The following GPATCH8 variants were observed in gnomAD, a reference collection of about 807,000 sequenced individuals.
The protein encoded by GPATCH8 is G patch domain-containing protein 8.
A neutral mutation model predicts 118.3 loss-of-function variants in GPATCH8; 18 were observed. The ratio of observed to expected loss-of-function variants is 0.15; its 90% CI spans 0.11 to 0.23. GPATCH8 has a LOEUF of 0.23. GPATCH8 is among the 10% of genes least tolerant of loss of function. The pLI, the probability that GPATCH8 is intolerant of heterozygous loss-of-function variation, is 1.00. For missense variants in GPATCH8, 1,631 were observed against 1,873.8 expected (o/e 0.87, Z 2.39); for synonymous variants, 659 against 684.7 (o/e 0.96, Z 0.59).
At chr17:44,456,565 T>C (rs1371803372) in intron 3 of GPATCH8, among the ~76,000 whole-genome samples, 1 of 152,134 alleles carries the variant, frequency 6.6e-6, no homozygotes, top group Non-Finnish European at 1.5e-5. Flanking sequence ...GAAGACTGCA[T>C]GAGGCCAGGA....
chr17:44,448,002 G>A (rs1042964452), intron 3 of GPATCH8, among the ~76,000 whole-genome samples: 10 of 152,230 alleles, frequency 6.6e-5, no homozygotes, highest in African/African-American at 2.2e-4. Flanking sequence ...GGAGTACAGT[G>A]GCGTGATCTC....
chr17:44,447,161 AT>A (rs555723475), intron 3 of GPATCH8, among the ~76,000 whole-genome samples: 2,220 of 137,358 alleles, frequency 0.016, 38 homozygotes, highest in African/African-American at 0.039. Flanking sequence ...ATAAAAAAAA[AT>A]TTTTTTTTTT....
rs115347691 is a variant in GPATCH8 at position 44,423,277 on chromosome 17, G to A, written c.492+1072C>T. Among the ~76,000 whole-genome samples the A allele has an allele frequency of 2.0e-3, 303 of 152,292 alleles. 2 individuals carry two copies. The highest frequency in any genetic ancestry group is 7.0e-3 in the African/African-American group (292 of 41,558). Reference sequence around the variant, plus strand: ...AAGAATGTCCAAAGGTATGTAGTAAGTTGAAAAGCTGTCTTGAATACAAGT... The same window carrying A: ...AAGAATGTCCAAAGGTATGTAGTAAATTGAAAAGCTGTCTTGAATACAAGT... On this transcript the variant is annotated intron_variant, in intron 6 of 7. Coordinates refer to ENST00000591680, the MANE Select transcript of GPATCH8 (RefSeq NM_001002909.4).
chr17:44,452,288 A>G (rs1598528257), intron 3 of GPATCH8, among the ~76,000 whole-genome samples: 2 of 149,366 alleles, frequency 1.3e-5, no homozygotes, highest in East Asian at 3.9e-4. Flanking sequence ...AAAAAAAAAA[A>G]AGAAAAAAAA....
At chr17:44,413,210 T>C (rs1456517857) in intron 6 of GPATCH8, among the ~76,000 whole-genome samples, 1 of 152,194 alleles carries the variant, frequency 6.6e-6, no homozygotes, top group East Asian at 1.9e-4. Context: ...GAGAGAAAAT[T>C]AGATACTAAT....
In GPATCH8 at chr17:44,490,601, C is replaced by T. The variant is rs1450677381; in HGVS notation, c.45+12725G>A. Among the ~76,000 whole-genome samples the T allele has an allele frequency of 7.3e-5, 11 of 151,290 alleles. No homozygotes were observed. The East Asian group carries it at 1.9e-3, about 27-fold the overall frequency. On this transcript the variant is annotated intron_variant, in intron 1 of 7. Coordinates refer to ENST00000591680, the MANE Select transcript of GPATCH8 (RefSeq NM_001002909.4). ...GTTGAAATATAGTTTTTCATTTATGCTGATCAGGAATTTAAGTTCAAAAGG... is the reference window on the plus strand; with the variant it reads ...GTTGAAATATAGTTTTTCATTTATGTTGATCAGGAATTTAAGTTCAAAAGG...
chr17:44,483,338 C>T (rs987513852), intron 1 of GPATCH8, among the ~76,000 whole-genome samples: 1 of 144,586 alleles, frequency 6.9e-6, no homozygotes, highest in Admixed American at 7.0e-5. Context: ...GCAACCTCCG[C>T]CTCCCGGGTT....
chr17:44,442,189 T>C (rs1275909733), intron 3 of GPATCH8, among the ~76,000 whole-genome samples: 2 of 141,038 alleles, frequency 1.4e-5, no homozygotes, highest in Non-Finnish European at 3.0e-5. Flanking sequence ...GGCACTGTTC[T>C]GGGCACTGCA....
intron 2 of GPATCH8, among the ~76,000 whole-genome samples, chr17:44,472,147 G>C (rs918505400): frequency 6.6e-6 from 1 of 151,892 alleles, no homozygotes; most frequent in East Asian, 1.9e-4. Context: ...CATTAGAAGT[G>C]TAATTACTAA....
intron 2 of GPATCH8, among the ~76,000 whole-genome samples, chr17:44,469,588 A>T (rs1259983717): frequency 6.6e-6 from 1 of 152,228 alleles, no homozygotes; most frequent in Non-Finnish European, 1.5e-5. Flanking sequence ...TTCAATTTAC[A>T]TCATTTAGCC....
chr17:44,442,528 C>T (rs2050738057), intron 3 of GPATCH8, among the ~76,000 whole-genome samples: 2 of 152,086 alleles, frequency 1.3e-5, no homozygotes, highest in African/African-American at 4.8e-5. Flanking sequence ...GCTGTGGTGC[C>T]ATCTCCGCTC....
intron 1 of GPATCH8, among the ~76,000 whole-genome samples, chr17:44,480,848 G>T (rs1968174568): frequency 6.6e-6 from 1 of 152,004 alleles, no homozygotes; most frequent in Non-Finnish European, 1.5e-5. Flanking sequence ...TCCAACCTGG[G>T]TGACAGAGTG....
intron 6 of GPATCH8, among the ~76,000 whole-genome samples, chr17:44,412,563 T>C (rs1314033954): frequency 2.0e-5 from 3 of 151,962 alleles, no homozygotes; most frequent in Admixed American, 2.0e-4. Context: ...TTTATATTTT[T>C]AGTAGAGACA....
chr17:44,432,044 T>A (rs1185959641), intron 5 of GPATCH8, among the ~76,000 whole-genome samples: 2 of 145,976 alleles, frequency 1.4e-5, no homozygotes. Flanking sequence ...TAAATCAGAG[T>A]GGGTTTTTTT....
intron 6 of GPATCH8, among the ~76,000 whole-genome samples, chr17:44,414,155 A>G (rs1013096459): frequency 1.5e-4 from 5 of 33,342 alleles, no homozygotes; most frequent in East Asian, 7.5e-4. Flanking sequence ...GTATATATAT[A>G]TGTGTATATA....
intron 1 of GPATCH8, among the ~76,000 whole-genome samples, chr17:44,485,056 C>T (rs1346460050): frequency 2.0e-5 from 3 of 151,956 alleles, no homozygotes; most frequent in African/African-American, 7.3e-5. Context: ...CTCAAGAGAT[C>T]GCCCGCCTCA....
chr17:44,456,029 G>C (rs1349632621), intron 3 of GPATCH8, among the ~76,000 whole-genome samples: 2 of 152,220 alleles, frequency 1.3e-5, no homozygotes, highest in Non-Finnish European at 2.9e-5. Flanking sequence ...TTACAGGCGT[G>C]AGCCATAGCG....
chr17:44,423,852 T>C (rs2049999455), intron 6 of GPATCH8, among the ~76,000 whole-genome samples: 1 of 152,224 alleles, frequency 6.6e-6, no homozygotes, highest in Non-Finnish European at 1.5e-5. Context: ...AAAGTTAAGA[T>C]AGCATCTAAT....
At chr17:44,489,262 A>T (rs1233485154) in intron 1 of GPATCH8, among the ~76,000 whole-genome samples, 1 of 151,964 alleles carries the variant, frequency 6.6e-6, no homozygotes, top group Non-Finnish European at 1.5e-5. Context: ...CCACCATGCA[A>T]TTGGAAATAG....
Sources: allele counts gnomAD v4.1 joint callset (sites outside exome capture counted in the v4.1 genomes callset), GRCh38; gene constraint gnomAD v4.1.1; transcripts MANE v1.5; gene names NCBI Gene and HGNC (gene_info 2026-07-23, HGNC 2026-07-21).